The following PLGRKT variants were observed in gnomAD, a reference collection of about 807,000 sequenced individuals.
PLGRKT encodes plasminogen receptor (KT).
In PLGRKT, 22 loss-of-function variants were observed where a neutral mutation model predicts 18.5. That is an observed-to-expected ratio of 1.19 (90% CI 0.85 to 1.70). The LOEUF (loss-of-function observed/expected upper bound fraction) is 1.70, where lower values mean the gene tolerates loss of function less well. PLGRKT is among the 40% of genes most tolerant of loss of function. The probability of loss-of-function intolerance (pLI) is 0.00; values close to 1 mark genes in which losing one functional copy is unlikely to be tolerated. For synonymous variants in PLGRKT, 72 were observed against 52.8 expected (o/e 1.36, Z -1.58); for missense variants, 235 against 174.4 (o/e 1.35, Z -1.96).
chr9:5,426,054 T>C (rs1269802683), intron 3 of PLGRKT, among the ~76,000 whole-genome samples: 2 of 152,230 alleles, frequency 1.3e-5, no homozygotes, highest in African/African-American at 4.8e-5. Context: ...AACTTCATCT[T>C]TGAAGACCCT....
chr9:5,383,712 G>A (rs1272445485), intron 3 of PLGRKT, among the ~76,000 whole-genome samples: 1 of 152,062 alleles, frequency 6.6e-6, no homozygotes, highest in African/African-American at 2.4e-5. Context: ...TTCACAACAG[G>A]GTTCACACTC....
At chr9:5,404,642 C>T (rs1188514515) in intron 3 of PLGRKT, among the ~76,000 whole-genome samples, 1 of 152,026 alleles carries the variant, frequency 6.6e-6, no homozygotes, top group Non-Finnish European at 1.5e-5. Context: ...ATAATAAGAG[C>T]CATTTATGAC....
chr9:5,415,217 A>G (rs1818437517), intron 3 of PLGRKT, among the ~76,000 whole-genome samples: 1 of 152,224 alleles, frequency 6.6e-6, no homozygotes, highest in African/African-American at 2.4e-5. Flanking sequence ...AAGCAAATGG[A>G]AGTTGGTCAA....
intron 3 of PLGRKT, among the ~76,000 whole-genome samples, chr9:5,390,241 G>GTA (rs201045967): frequency 0.34 from 50,982 of 148,294 alleles, 8,783 homozygotes; most frequent in South Asian, 0.45. Context: ...GTGTGTATGT[G>GTA]TATATATATA....
Position 5,418,470 on chromosome 9 carries a change from GCA to G in PLGRKT, c.81+13425_81+13426del. 9.3e-7 allele frequency: 1 copy of G among 1,074,498 alleles called. No individual in the cohort carries two copies. Among genetic ancestry groups the G allele is most frequent in the Non-Finnish European group, 1.4e-6 (1 of 694,682 alleles). 66.6% of individuals were successfully genotyped at this position (1,074,498 alleles called of 1,614,324 possible). A position where few individuals can be genotyped will look rare whatever the true frequency, so the allele number is the denominator to read the frequency against. On this transcript the variant is annotated intron_variant, in intron 3 of 5. Transcript: ENST00000223864. This position sits in a 1 kb window ranked among gnomAD's most constrained non-coding sequence, Gnocchi z 4.2. The stretch of plus-strand genomic sequence containing the variant: ...AGACGCAAGCCACCAAGATGACAGT[GCA>G]CACCCTCAACCACATGGAGCTTTTC...
intron 3 of PLGRKT, among the ~76,000 whole-genome samples, chr9:5,366,774 A>G (rs1406649744): frequency 6.6e-6 from 1 of 152,152 alleles, no homozygotes; most frequent in East Asian, 1.9e-4. Flanking sequence ...AGAAAGAAAT[A>G]AAAGGCATCC....
At chr9:5,373,113 A>T (rs78089072) in intron 3 of PLGRKT, among the ~76,000 whole-genome samples, 8,872 of 152,268 alleles carry the variant, frequency 0.058, 420 homozygotes, top group African/African-American at 0.13. Context: ...GCAAGAATTT[A>T]AAAAAGGCAC....
chr9:5,393,960 A>T (rs1817996353), intron 3 of PLGRKT, among the ~76,000 whole-genome samples: 1 of 151,806 alleles, frequency 6.6e-6, no homozygotes, highest in African/African-American at 2.4e-5. Context: ...CTGGGAAGAA[A>T]AGCCTCTTAC....
chr9:5,366,334 G>A (rs1817386108), intron 3 of PLGRKT, among the ~76,000 whole-genome samples: 1 of 152,146 alleles, frequency 6.6e-6, no homozygotes, highest in Non-Finnish European at 1.5e-5. Flanking sequence ...CTTAATGGTT[G>A]TTAACACAAA....
rs200165509 is a variant in PLGRKT, at chr9:5,414,817, GA to G, written c.81+17079del. ...TAGTGTAAGTGTCCCAGTACCTGAG[GA>G]AAAAAAACTTATGAATGAAGAAAGG... On this transcript the variant is annotated intron_variant, in intron 3 of 5. Coordinates refer to ENST00000223864, the MANE Select transcript of PLGRKT (RefSeq NM_018465.4). 9.3e-3 allele frequency among the ~76,000 whole-genome samples: 1,419 copies of G among 151,964 alleles called. 20 individuals are homozygous for G. The highest frequency in any genetic ancestry group is 0.033 in the African/African-American group (1,361 of 41,434).
intron 3 of PLGRKT, chr9:5,419,075 G>C: frequency 3.4e-6 from 1 of 293,968 alleles, no homozygotes; most frequent in Admixed American, 4.4e-5. Flanking sequence ...GTCATGGGGA[G>C]CTCAGACATC....
intron 3 of PLGRKT, among the ~76,000 whole-genome samples, chr9:5,408,134 T>C (rs367712997): frequency 2.0e-5 from 3 of 152,246 alleles, no homozygotes; most frequent in Non-Finnish European, 4.4e-5. Flanking sequence ...AATCATATTA[T>C]CTTGTTCACA....
At chr9:5,423,319 A>C (rs921854375) in intron 3 of PLGRKT, among the ~76,000 whole-genome samples, 1 of 152,238 alleles carries the variant, frequency 6.6e-6, no homozygotes, top group East Asian at 1.9e-4. Context: ...TAAATGTGTA[A>C]ATGAATGTTG....
intron 2 of PLGRKT, among the ~76,000 whole-genome samples, chr9:5,434,672 G>A (rs539938934): frequency 8.1e-5 from 12 of 148,404 alleles, no homozygotes; most frequent in South Asian, 2.2e-4. Context: ...CTGCCCGGCC[G>A]CCACCCCGTC....
At chr9:5,422,837 G>GT (rs1013886623) in intron 3 of PLGRKT, among the ~76,000 whole-genome samples, 6 of 151,486 alleles carry the variant, frequency 4.0e-5, no homozygotes, top group African/African-American at 1.5e-4. Flanking sequence ...TGGTTTTAAA[G>GT]TTTTTTTTTA....
At chr9:5,438,107 G>C (rs531973790), upstream of PLGRKT, among the ~76,000 whole-genome samples, 8 of 152,290 alleles carry the variant, frequency 5.3e-5, no homozygotes, top group South Asian at 1.7e-3. Context: ...AAGCGGAGTG[G>C]AATTCTCAAT....
At position 5,424,691 on chromosome 9, in the gene PLGRKT, T is replaced by TATATATATATATACAC. The variant is rs201541927; in HGVS notation, c.81+7205_81+7206insGTGTATATATATATAT. On this transcript the variant is annotated intron_variant, in intron 3 of 5. Coordinates refer to ENST00000223864, the MANE Select transcript of PLGRKT (RefSeq NM_018465.4). ...TTTTATATATATATATATATATATA[T>TATATATATATATACAC]ACACACAGGGGGGGGAGAGAGGGAG... Among the ~76,000 whole-genome samples the TATATATATATATACAC allele has an allele frequency of 1.6e-4, 11 of 70,482 alleles. 1 individual carries two copies. The highest frequency in any genetic ancestry group is 6.7e-4 in the African/African-American group (11 of 16,358). 46.2% of individuals were successfully genotyped at this position (70,482 alleles called of 152,430 possible).
intron 3 of PLGRKT, among the ~76,000 whole-genome samples, chr9:5,382,895 A>T (rs575065574): frequency 2.0e-4 from 30 of 152,282 alleles, no homozygotes; most frequent in Non-Finnish European, 3.5e-4. Context: ...GTGGAGAAGG[A>T]AGGGAAGAGT....
At chr9:5,419,433 C>T (rs765585791) in intron 3 of PLGRKT, among the ~76,000 whole-genome samples, 2 of 152,232 alleles carry the variant, frequency 1.3e-5, no homozygotes, top group African/African-American at 2.4e-5. Flanking sequence ...TGTTCAGGTG[C>T]TGGCTACAGA....
Sources: allele counts gnomAD v4.1 joint callset (sites outside exome capture counted in the v4.1 genomes callset), GRCh38; gene constraint gnomAD v4.1.1; non-coding constraint Gnocchi (gnomAD v3.1); transcripts MANE v1.5; gene names NCBI Gene and HGNC (gene_info 2026-07-23, HGNC 2026-07-21).